The following TG variants were observed in gnomAD, a reference collection of about 807,000 sequenced individuals.
TG encodes thyroglobulin, also known as thyroid hormones.
A neutral mutation model predicts 324.7 loss-of-function variants in TG; 270 were observed. The ratio of observed to expected loss-of-function variants is 0.83; its 90% CI spans 0.75 to 0.92. The LOEUF (loss-of-function observed/expected upper bound fraction) is 0.92. TG is among the 40% of genes least tolerant of loss of function. TG has a pLI of 0.00. For missense variants in TG, 3,591 were observed against 3,456.4 expected (o/e 1.04, Z -0.98); for synonymous variants, 1,401 against 1,327.0 (o/e 1.06, Z -1.21).
intron 35 of TG, among the ~76,000 whole-genome samples, chr8:132,987,373 A>G (rs186895244): frequency 9.2e-5 from 14 of 152,266 alleles, no homozygotes; most frequent in African/African-American, 3.4e-4. Flanking sequence ...CTATATGTGT[A>G]TGTGTATGTG....
At chr8:133,127,700 A>AT (rs1851626157) in intron 45 of TG, among the ~76,000 whole-genome samples, 1 of 151,980 alleles carries the variant, frequency 6.6e-6, no homozygotes, top group Non-Finnish European at 1.5e-5. Context: ...CAGACTTTGG[A>AT]TTTTTCTGGA....
At chr8:132,947,777 G>A (rs955646765) in intron 26 of TG, among the ~76,000 whole-genome samples, 1 of 152,070 alleles carries the variant, frequency 6.6e-6, no homozygotes, top group African/African-American at 2.4e-5. Context: ...TTCCTCATCA[G>A]TAAAATGGAG....
intron 35 of TG, among the ~76,000 whole-genome samples, chr8:132,996,797 G>T (rs1428846755): frequency 6.6e-6 from 1 of 152,150 alleles, no homozygotes; most frequent in Non-Finnish European, 1.5e-5. Flanking sequence ...GGGATGATAT[G>T]AATTTATCCT....
At position 133,029,827 on chromosome 8, in the gene TG, G is replaced by A. The variant is rs779593378; in HGVS notation, c.7043G>A (p.Gly2348Glu). 2 of 1,614,134 alleles carry A rather than the reference G, an allele frequency of 1.2e-6. No homozygotes were observed. The highest frequency in any genetic ancestry group is 2.2e-5 in the South Asian group (2 of 91,090). ...GVFGFLSSGS[G>E]EVSGNWGLLD... The stretch of plus-strand genomic sequence containing the variant: ...GCTTTCCTCTTTTCTGAAGGGTCCG[G>A]AGAGGTGAGTGGCAACTGGGGGCTG... The change falls in exon 41 of 48, where the codon GGA becomes GAA. Residue 2348 changes from glycine to glutamate, a missense_variant. Gly to Glu is a moderately conservative substitution (Grantham distance 98). Coordinates refer to ENST00000220616, the MANE Select transcript of TG (RefSeq NM_003235.5).
Position 133,113,428 on chromosome 8 carries a change from G to A in TG, c.7579G>A (p.Glu2527Lys). The change falls in exon 44 of 48, where the codon GAG becomes AAG. Residue 2527 changes from glutamate (E) to lysine (K), a missense_variant. Physicochemically the swap from Glu to Lys is moderately conservative, Grantham distance 56. Transcript: ENST00000220616. ...TATCTTTTTTTTTTTCTAGCAATTT[G>A]AGGAAAGTCGAGGCCGGACCAGTAG... ...INRAKAVKQF[E>K]ESRGRTSSKT... The A allele has an allele frequency of 2.5e-6, 4 of 1,613,678 alleles. No individual in the cohort carries two copies. The South Asian group carries it at 4.4e-5, about 18-fold the overall frequency.
intron 37 of TG, among the ~76,000 whole-genome samples, chr8:133,014,235 A>G (rs1265726310): frequency 1.3e-5 from 2 of 152,314 alleles, no homozygotes; most frequent in East Asian, 1.9e-4. Flanking sequence ...TCAAGATGCA[A>G]TCCTCTCCCA....
At chr8:132,967,170 CATCCATCCATGTATCCATGT>C (rs1295965504) in intron 30 of TG, among the ~76,000 whole-genome samples, 2 of 150,904 alleles carry the variant, frequency 1.3e-5, no homozygotes, top group Admixed American at 6.6e-5. Context: ...TCCAACCATC[CATCCATCCATGTATCCATGT>C]ATCCATCCCA....
chr8:133,110,672 C>T (rs1223473078), intron 43 of TG, among the ~76,000 whole-genome samples: 2 of 152,186 alleles, frequency 1.3e-5, no homozygotes, highest in Non-Finnish European at 2.9e-5. Context: ...TGCTTCAAAA[C>T]GTTATTTCTA....
At chr8:132,929,995 T>G (rs1186326001) in intron 23 of TG, among the ~76,000 whole-genome samples, 1 of 152,190 alleles carries the variant, frequency 6.6e-6, no homozygotes, top group African/African-American at 2.4e-5. Context: ...AACCCTGTGC[T>G]CCTCTCTGTA....
chr8:132,876,826 T>C (rs1480392649), intron 5 of TG, among the ~76,000 whole-genome samples: 1 of 152,224 alleles, frequency 6.6e-6, no homozygotes, highest in Non-Finnish European at 1.5e-5. Flanking sequence ...AATGCCATTG[T>C]CAAAGCCTTA....
At chr8:132,917,784 C>A (rs1298793836) in intron 20 of TG, among the ~76,000 whole-genome samples, 2 of 151,624 alleles carry the variant, frequency 1.3e-5, no homozygotes, top group Non-Finnish European at 2.9e-5. Context: ...CAAGGGTTGG[C>A]AGGAGGGGTG....
chr8:133,057,248 CAG>C (rs1841610762), intron 41 of TG, among the ~76,000 whole-genome samples: 1 of 152,092 alleles, frequency 6.6e-6, no homozygotes, highest in South Asian at 2.1e-4. Flanking sequence ...AGCAGAGAGA[CAG>C]AGTGCTCATT....
chr8:132,948,042 A>T (rs892946979), intron 26 of TG, among the ~76,000 whole-genome samples: 1 of 152,186 alleles, frequency 6.6e-6, no homozygotes, highest in Non-Finnish European at 1.5e-5. Context: ...CTAGTTACAG[A>T]TTTCTCTCCA....
chr8:132,923,793 G>A (rs1165338406), intron 22 of TG, among the ~76,000 whole-genome samples: 1 of 152,112 alleles, frequency 6.6e-6, no homozygotes, highest in Non-Finnish European at 1.5e-5. Flanking sequence ...CACAAGAGAT[G>A]AATTTTTATA....
intron 41 of TG, among the ~76,000 whole-genome samples, chr8:133,051,525 C>T (rs568194408): frequency 4.6e-4 from 70 of 152,208 alleles, no homozygotes; most frequent in African/African-American, 1.5e-3. Flanking sequence ...TAAGGCCCCA[C>T]GCTGGGCATC....
At position 132,948,930 on chromosome 8, in the gene TG, G is replaced by C; in HGVS notation, c.5388G>C (p.Gln1796His). Residue 1796 changes from glutamine to histidine, a missense_variant, in exon 27 of 48, where the codon CAG (glutamine) becomes CAC (histidine). Physicochemically the swap from Gln to His is conservative, Grantham distance 24. Transcript: ENST00000220616. ...AGGTGATATTGCGTCTTGGAGACCAGGAGTTCATCAAGAGTAAGTCTTTGC... is the reference window on the plus strand; with the variant it reads ...AGGTGATATTGCGTCTTGGAGACCACGAGTTCATCAAGAGTAAGTCTTTGC... ...SHQVILRLGD[Q>H]EFIKSLTPLE... 1 of 1,613,670 alleles carries C rather than the reference G, an allele frequency of 6.2e-7. No individual in the cohort carries two copies. The highest frequency in any genetic ancestry group is 8.5e-7 in the Non-Finnish European group (1 of 1,180,008).
At chr8:132,918,135 C>T (rs908469386) in intron 20 of TG, among the ~76,000 whole-genome samples, 1 of 152,002 alleles carries the variant, frequency 6.6e-6, no homozygotes, top group Non-Finnish European at 1.5e-5. Flanking sequence ...AAAGACTTGA[C>T]GTCAGAGACG....
At chr8:133,131,649 A>G (rs1851957151) in intron 45 of TG, among the ~76,000 whole-genome samples, 163 bp from the exon 46 acceptor site, 1 of 152,258 alleles carries the variant, frequency 6.6e-6, no homozygotes, top group Admixed American at 6.5e-5. Flanking sequence ...ATTTAGGCCA[A>G]GCCAAATCTC....
At chr8:132,918,962 G>C (rs1294545150) in intron 20 of TG, among the ~76,000 whole-genome samples, 5 of 152,184 alleles carry the variant, frequency 3.3e-5, no homozygotes, top group African/African-American at 1.2e-4. Context: ...GTATGTAACA[G>C]GGCGATAGAC....
Sources: gnomAD v4.1 joint callset for allele counts (sites outside exome capture counted in the v4.1 genomes callset) on GRCh38, gnomAD v4.1.1 for gene constraint, MANE v1.5 for transcripts, NCBI Gene and HGNC (gene_info 2026-07-23, HGNC 2026-07-21) for gene names.